The following PLCH1 variants were observed in gnomAD, a reference collection of about 807,000 sequenced individuals.
The protein encoded by PLCH1 is phospholipase C eta 1, also known as 1-phosphatidylinositol 4,5-bisphosphate phosphodiesterase eta-1.
Under a neutral mutation model 126.7 loss-of-function variants are expected in PLCH1, and 60 were observed. That is an observed-to-expected ratio of 0.47 (90% CI 0.38 to 0.59). The LOEUF (loss-of-function observed/expected upper bound fraction) is 0.59, where lower values mean the gene tolerates loss of function less well. PLCH1 is among the 20% of genes least tolerant of loss of function. The pLI, the probability that PLCH1 is intolerant of heterozygous loss-of-function variation, is 0.00. For missense variants in PLCH1, 1,723 were observed against 2,040.0 expected, an observed-to-expected ratio of 0.84 and a Z score of 2.99; for synonymous variants, 719 against 734.9, an observed-to-expected ratio of 0.98 and a Z score of 0.35.
At chr3:155,594,286 T>C in intron 3 of PLCH1, 102 bp from the exon 4 acceptor site, 1 of 1,133,350 alleles carries the variant, frequency 8.8e-7, no homozygotes, top group Non-Finnish European at 1.3e-6. Flanking sequence ...ATATTAAAAA[T>C]AAGTATGAGG....
Position 155,687,407 on chromosome 3 carries a change from A to G in PLCH1, c.79+16739T>C, listed in dbSNP as rs1164967509. Among the ~76,000 whole-genome samples the G allele has an allele frequency of 1.3e-5, 2 of 152,148 alleles. 1 individual carries two copies. The highest frequency in any genetic ancestry group is 2.9e-5 in the Non-Finnish European group (2 of 68,032). ...AATAGGAAACCAATAACATTTTATC[A>G]CTTTATATAAATTAATCTAATTTAG... is the stretch of plus-strand genomic sequence containing the variant. On this transcript the variant is annotated intron_variant, in intron 2 of 22. Transcript: ENST00000460012.
At chr3:155,667,061 A>G (rs905208289) in intron 2 of PLCH1, among the ~76,000 whole-genome samples, 7 of 152,166 alleles carry the variant, frequency 4.6e-5, no homozygotes, top group African/African-American at 1.7e-4. Flanking sequence ...ATTTTATCTG[A>G]TCCTCACAAC....
chr3:155,484,943 C>T (rs1425565849), intron 22 of PLCH1, among the ~76,000 whole-genome samples: 1 of 152,226 alleles, frequency 6.6e-6, no homozygotes, highest in Non-Finnish European at 1.5e-5. Context: ...ATCTGGCTTT[C>T]TTTCTCCATA....
intron 10 of PLCH1, among the ~76,000 whole-genome samples, chr3:155,528,770 G>C (rs1210060347): frequency 6.6e-6 from 1 of 152,196 alleles, no homozygotes. Flanking sequence ...TGCTGAGCAG[G>C]TAAGGACACA....
chr3:155,492,667 T>G, intron 18 of PLCH1, 62 bp downstream of exon 18: 1 of 1,425,974 alleles, frequency 7.0e-7, no homozygotes, highest in South Asian at 1.5e-5. Flanking sequence ...TCGGATAAAA[T>G]GTAAATGCAC....
Position 155,482,770 on chromosome 3 carries a change from G to A in PLCH1, c.3256C>T (p.Pro1086Ser), listed in dbSNP as rs1714375344. Residue 1086 changes from proline to serine, a missense_variant, in exon 23 of 23, where the codon CCT becomes TCT. Physicochemically the swap from Pro to Ser is moderately conservative, Grantham distance 74 (BLOSUM62 -1). This residue lies in a region of PLCH1 where 947 missense variants were observed against 977.1 expected (regional missense o/e 0.97). Transcript: ENST00000460012. The part of the protein sequence containing the change: ...LSPKQHLAPD[P>S]VVNPTQDLHG... The stretch of plus-strand genomic sequence containing the variant: ...AGATCTTGTGTGGGGTTAACTACAG[G>A]ATCGGGAGCCAAATGCTGCTTTGGG... The A allele has an allele frequency of 6.2e-7, 1 of 1,614,172 alleles. No individual in the cohort carries two copies. Among genetic ancestry groups the A allele is most frequent in the Non-Finnish European group, 8.5e-7 (1 of 1,180,024 alleles).
At chr3:155,741,684 C>CTTTTATTTTTTTTTTTTTTTTA in intron 1 of PLCH1, among the ~76,000 whole-genome samples, 1 of 102,866 alleles carries the variant, frequency 9.7e-6, no homozygotes, top group Non-Finnish European at 1.7e-5. Flanking sequence ...TTTATATCCT[C>CTTTTATTTTTTTTTTTTTTTTA]TTTTTTTTTT....
At chr3:155,553,642 G>A (rs1329371390) in intron 9 of PLCH1, among the ~76,000 whole-genome samples, 10 of 152,084 alleles carry the variant, frequency 6.6e-5, no homozygotes, top group Admixed American at 5.9e-4. Flanking sequence ...GTAGTGGGGA[G>A]GAAATATTCA....
Position 155,583,662 on chromosome 3 carries a change from A to G in PLCH1, c.601-20T>C, listed in dbSNP as rs1233619595. ...GGCTTCCTGAAAAGGGCATAGAGAAAATAAAGTAATATGAAAGTTAGAAAT... is the reference window on the plus strand; with the variant it reads ...GGCTTCCTGAAAAGGGCATAGAGAAGATAAAGTAATATGAAAGTTAGAAAT... On this transcript the variant is annotated intron_variant, in intron 5 of 22. Transcript: ENST00000460012. The G allele has an allele frequency of 6.6e-7, 1 of 1,523,060 alleles. No homozygotes were observed. The highest frequency in any genetic ancestry group is 8.8e-7 in the Non-Finnish European group (1 of 1,139,206). The allele number at this position is 1,523,060 out of a possible 1,614,324, so 94.3% of individuals were successfully genotyped here. A position where few individuals can be genotyped will look rare whatever the true frequency, so the allele number is the denominator to read the frequency against.
At position 155,482,910 on chromosome 3, in the gene PLCH1, G is replaced by A; in HGVS notation, c.3116C>T (p.Ala1039Val). Residue 1039 changes from alanine to valine, a missense_variant, in exon 23 of 23, where the codon GCC becomes GTC. Around this residue, in one of 2 missense-constraint regions of PLCH1, gnomAD observed 947 missense variants for 977.1 expected, o/e 0.97. Transcript: ENST00000460012. Reference protein sequence around the residue: ...TSQGDTIVSTAHMSVTGEQLG... With the variant: ...TSQGDTIVSTVHMSVTGEQLG... ...CTGTTCTCCTGTGACTGACATGTGG[G>A]CAGTAGATACAATGGTGTCCCCTTG... The A allele has an allele frequency of 6.2e-7, 1 of 1,614,158 alleles. No homozygotes were observed. Among genetic ancestry groups the A allele is most frequent in the South Asian group, 1.1e-5 (1 of 91,076 alleles).
intron 11 of PLCH1, among the ~76,000 whole-genome samples, chr3:155,517,086 C>T (rs1367415082): frequency 6.6e-6 from 1 of 152,086 alleles, no homozygotes; most frequent in Non-Finnish European, 1.5e-5. Context: ...CTGGGAGGAT[C>T]GCTTGAGTCC....
chr3:155,605,593 T>C (rs1285646264), intron 2 of PLCH1, among the ~76,000 whole-genome samples: 2 of 152,172 alleles, frequency 1.3e-5, no homozygotes, highest in Non-Finnish European at 2.9e-5. Context: ...GCAGTTAAAA[T>C]CCTTTTCAAG....
intron 21 of PLCH1, among the ~76,000 whole-genome samples, chr3:155,459,837 T>C (rs1478368218): frequency 1.3e-5 from 2 of 152,210 alleles, no homozygotes; most frequent in Non-Finnish European, 2.9e-5. Context: ...TGTTTTATTA[T>C]AGCTAAGAAA....
chr3:155,629,868 G>C (rs1737823665), intron 2 of PLCH1, among the ~76,000 whole-genome samples: 2 of 152,142 alleles, frequency 1.3e-5, no homozygotes, highest in Non-Finnish European at 2.9e-5. Flanking sequence ...TGTACTCGCT[G>C]TTTCTTTTCC....
rs1715688663 is a variant in PLCH1, at chr3:155,488,675, T to A, written c.2524A>T (p.Ser842Cys). 3 of 1,613,190 alleles carry A rather than the reference T, an allele frequency of 1.9e-6. No individual in the cohort carries two copies. Among genetic ancestry groups the A allele is most frequent in the Non-Finnish European group, 2.5e-6 (3 of 1,179,698 alleles). The change falls in exon 20 of 23, where the codon AGC becomes TGC. Residue 842 changes from serine to cysteine, a missense_variant. Around this residue, in one of 2 missense-constraint regions of PLCH1, gnomAD observed 776 missense variants for 1,062.9 expected, o/e 0.73. Coordinates refer to ENST00000460012, the MANE Select transcript of PLCH1 (RefSeq NM_014996.4). ...DFVGQRTVTF[S>C]SLVPGYRHVY... ...TCATACCTACCAGGCACTAAGCTGC[T>A]GAAGGTCACAGTTCTTTGTCCAACA...
chr3:155,642,843 A>G (rs915135442), intron 2 of PLCH1, among the ~76,000 whole-genome samples: 3 of 152,208 alleles, frequency 2.0e-5, no homozygotes, highest in Non-Finnish European at 4.4e-5. Context: ...ATTGAATTAG[A>G]CAGTCTATGT....
At chr3:155,472,821 CA>C (rs1359008327) in intron 21 of PLCH1, among the ~76,000 whole-genome samples, 1 of 151,098 alleles carries the variant, frequency 6.6e-6, no homozygotes, top group Non-Finnish European at 1.5e-5. Flanking sequence ...GAGCCAAAGA[CA>C]AAAACCACAT....
intron 9 of PLCH1, among the ~76,000 whole-genome samples, 200 bp from the exon 10 acceptor site, chr3:155,550,158 C>A (rs1418355637): frequency 6.6e-6 from 1 of 152,238 alleles, no homozygotes; most frequent in East Asian, 1.9e-4. Flanking sequence ...CTTTGCTAAG[C>A]ATAATGGATG....
intron 2 of PLCH1, among the ~76,000 whole-genome samples, chr3:155,702,109 G>A (rs1326294065): frequency 6.6e-6 from 1 of 152,102 alleles, no homozygotes; most frequent in Non-Finnish European, 1.5e-5. Flanking sequence ...CTTGTGTTTA[G>A]TGAAAAGGGA....
Sources: allele counts gnomAD v4.1 joint callset (sites outside exome capture counted in the v4.1 genomes callset), GRCh38; gene constraint gnomAD v4.1.1; regional missense constraint gnomAD v4.1.1; transcripts MANE v1.5; gene names NCBI Gene and HGNC (gene_info 2026-07-23, HGNC 2026-07-21).